Variants in HDAC11 observed in about 807,000 individuals in gnomAD.
The protein encoded by HDAC11 is histone deacetylase 11.
A neutral mutation model predicts 41.1 loss-of-function variants in HDAC11; 23 were observed. The observed-to-expected ratio is 0.56, with a 90% confidence interval of 0.40 to 0.79. The LOEUF is 0.79. Among genes scored for constraint, HDAC11 ranks in the 30% least tolerant of loss-of-function variants. The pLI, the probability that HDAC11 is intolerant of heterozygous loss-of-function variation, is 0.00. For synonymous variants in HDAC11, 187 were observed against 186.6 expected (o/e 1.00, Z -0.02); for missense variants, 402 against 477.3 (o/e 0.84, Z 1.47).
rs1013788316 is a variant in HDAC11, at chr3:13,506,300, G to C, written c.*1617G>C. 6 of 152,246 alleles carry C rather than the reference G, an allele frequency of 3.9e-5. No homozygotes were observed. The highest frequency in any genetic ancestry group is 7.3e-5 in the Non-Finnish European group (5 of 68,076). The allele number at this position is 152,246 out of a possible 1,614,324, so 9.4% of individuals were successfully genotyped here. A position where few individuals can be genotyped will look rare whatever the true frequency, so the allele number is the denominator to read the frequency against. On this transcript the variant is annotated 3_prime_UTR_variant, in exon 10 of 10. Coordinates refer to ENST00000295757, the MANE Select transcript of HDAC11 (RefSeq NM_024827.4). ...GCTTGATTGGCCCAGGCTGCTGTGT[G>C]TGCTGGAGGCAAAGAATCCCTACCT...
intron 3 of HDAC11, among the ~76,000 whole-genome samples, chr3:13,485,904 T>C (rs1701538425): frequency 6.6e-6 from 1 of 152,178 alleles, no homozygotes; most frequent in Non-Finnish European, 1.5e-5. Flanking sequence ...TCCAGCTGCA[T>C]ATTTGGCTTG....
chr3:13,500,783 C>T lies in HDAC11; in HGVS notation c.483C>T (p.Ala161=), dbSNP rs1227894984. The T allele has an allele frequency of 1.9e-6, 3 of 1,567,994 alleles. No individual in the cohort carries two copies. The highest frequency in any genetic ancestry group is 1.2e-5 in the South Asian group (1 of 84,866). ...GFCAYADITL[A]IKFLFERVEG... is the part of the protein sequence containing the mutation. ...GTGCCTATGCGGACATCACGCTCGC[C>T]ATCAAGGTGTGTCTATGAGCAAGTG... Residue 161 remains alanine (A), a synonymous_variant, in exon 6 of 10, where the codon GCC becomes GCT. Transcript: ENST00000295757.
chr3:13,495,405 T>C (rs1370670142), intron 3 of HDAC11, among the ~76,000 whole-genome samples: 1 of 152,154 alleles, frequency 6.6e-6, no homozygotes, highest in African/African-American at 2.4e-5. Flanking sequence ...GTGCCGCCTC[T>C]GTACCCTGCT....
Position 13,504,082 on chromosome 3 carries a change from T to G in HDAC11, c.650-12T>G. 1 of 1,613,176 alleles carries G rather than the reference T, an allele frequency of 6.2e-7. No individual in the cohort carries two copies. Among genetic ancestry groups the G allele is most frequent in the Non-Finnish European group, 8.5e-7 (1 of 1,179,606 alleles). ...TCTCTATAAATTGAGGCCATCCATG[T>G]CTCTCTCCCAGAGGCCATCAGGCGG... On this transcript the variant is annotated splice_polypyrimidine_tract_variant and intron_variant, in intron 8 of 9. Transcript: ENST00000295757.
rs557886450 is a variant in HDAC11, at chr3:13,490,046, T to C, written c.252+6482T>C. ...TCTCGCTTTGTCGCCTATGCTGGAG[T>C]GCAATGGCGCGATCTCGGCTCACTG... is the stretch of plus-strand genomic sequence containing the variant. On this transcript the variant is annotated intron_variant, in intron 3 of 9. Coordinates refer to ENST00000295757, the MANE Select transcript of HDAC11 (RefSeq NM_024827.4). Among the ~76,000 whole-genome samples the C allele has an allele frequency of 3.3e-3, 504 of 151,662 alleles. 6 individuals are homozygous for C. Among genetic ancestry groups the C allele is most frequent in the African/African-American group, 0.012 (489 of 41,296 alleles).
At chr3:13,481,852 C>T (rs1169026676) in intron 2 of HDAC11, among the ~76,000 whole-genome samples, 1 of 152,208 alleles carries the variant, frequency 6.6e-6, no homozygotes, top group Non-Finnish European at 1.5e-5. Flanking sequence ...GTAGGCACCA[C>T]AATCGCAGCA....
At chr3:13,504,389 C>T (rs1574917814) in intron 9 of HDAC11, 79 bp from the exon 10 acceptor site, 2 of 1,587,778 alleles carry the variant, frequency 1.3e-6, no homozygotes, top group East Asian at 2.2e-5. Flanking sequence ...CAGTTTGGAG[C>T]AGGGCTAGCC....
intron 3 of HDAC11, among the ~76,000 whole-genome samples, chr3:13,493,165 C>G (rs902090508): frequency 6.6e-6 from 1 of 152,208 alleles, no homozygotes; most frequent in African/African-American, 2.4e-5. Flanking sequence ...CAGCACCCCC[C>G]ACCTGCCCCA....
chr3:13,498,738 T>TA (rs1213605266), intron 5 of HDAC11, among the ~76,000 whole-genome samples, 183 bp downstream of exon 5: 1 of 152,084 alleles, frequency 6.6e-6, no homozygotes, highest in Admixed American at 6.6e-5. Flanking sequence ...GCCTCCTAGG[T>TA]ACCTGGGAGA....
chr3:13,505,702 A>G lies in HDAC11; in HGVS notation c.*1019A>G, dbSNP rs1426757918. On this transcript the variant is annotated 3_prime_UTR_variant, in exon 10 of 10. Coordinates refer to ENST00000295757, the MANE Select transcript of HDAC11 (RefSeq NM_024827.4). ...CTATCCTGGCCTGGGGATTATGAAC[A>G]TAGGTAGCCGGGGCAGGGCCCTGGG... 2.0e-5 allele frequency: 3 copies of G among 152,218 alleles called. No individual in the cohort carries two copies. Among genetic ancestry groups the G allele is most frequent in the Non-Finnish European group, 4.4e-5 (3 of 68,094 alleles). 9.4% of individuals were successfully genotyped at this position (152,218 alleles called of 1,614,324 possible).
intron 3 of HDAC11, among the ~76,000 whole-genome samples, chr3:13,486,871 T>C (rs560873729): frequency 5.9e-5 from 9 of 152,160 alleles, no homozygotes; most frequent in African/African-American, 2.2e-4. Context: ...GAGCCACTGC[T>C]CCTGGCCCTC....
At chr3:13,487,428 T>C (rs1203636972) in intron 3 of HDAC11, among the ~76,000 whole-genome samples, 2 of 152,166 alleles carry the variant, frequency 1.3e-5, no homozygotes, top group Non-Finnish European at 2.9e-5. Context: ...TGCACTGGTG[T>C]GGCCTTTGAT....
At position 13,481,273 on chromosome 3, in the gene HDAC11, T is replaced by A. The variant is rs200129920; in HGVS notation, c.30T>A (p.His10Gln). The A allele has an allele frequency of 1.2e-6, 2 of 1,612,532 alleles. No individual in the cohort carries two copies. The highest frequency in any genetic ancestry group is 1.1e-5 in the South Asian group (1 of 91,020). Residue 10 changes from histidine to glutamine, a missense_variant, in exon 2 of 10, where the codon CAT becomes CAA. By Grantham distance (24) the His-to-Gln change is conservative (BLOSUM62 0). Transcript: ENST00000295757. MLHTTQLYQ[H>Q]VPETRWPIVY... ...TACACACAACCCAGCTGTACCAGCA[T>A]GTGCCAGAGACACGCTGGCCAATCG...
At chr3:13,495,492 A>G (rs1255984604) in intron 3 of HDAC11, among the ~76,000 whole-genome samples, 2 of 151,774 alleles carry the variant, frequency 1.3e-5, no homozygotes, top group Non-Finnish European at 2.9e-5. Context: ...TTGTCCCTGC[A>G]TGCTGCCTGC....
chr3:13,495,907 A>G (rs1167329705), intron 3 of HDAC11, among the ~76,000 whole-genome samples: 1 of 152,206 alleles, frequency 6.6e-6, no homozygotes, highest in Non-Finnish European at 1.5e-5. Context: ...TCACACTGCA[A>G]ATAAGTGTCT....
chr3:13,486,502 G>A (rs1262224472), intron 3 of HDAC11, among the ~76,000 whole-genome samples: 1 of 151,384 alleles, frequency 6.6e-6, no homozygotes, highest in Non-Finnish European at 1.5e-5. Context: ...TGGTCAGGGA[G>A]GGCCTCACAG....
At chr3:13,485,409 C>G (rs1382252283) in intron 3 of HDAC11, among the ~76,000 whole-genome samples, 1 of 152,200 alleles carries the variant, frequency 6.6e-6, no homozygotes, top group Non-Finnish European at 1.5e-5. Context: ...ACATGCCTGC[C>G]AGAGTCCCGA....
At chr3:13,503,552 G>A (rs758212939) in intron 8 of HDAC11, among the ~76,000 whole-genome samples, 2 of 152,248 alleles carry the variant, frequency 1.3e-5, no homozygotes, top group African/African-American at 2.4e-5. Context: ...CAACAAGAGC[G>A]AAACTCCATC....
In HDAC11 at chr3:13,491,910, G is replaced by A. The variant is rs373166648; in HGVS notation, c.253-4826G>A. Among the ~76,000 whole-genome samples, 8 of 152,358 alleles carry A rather than the reference G, an allele frequency of 5.3e-5. No individual in the cohort carries two copies. The South Asian group carries it at 1.2e-3, about 24-fold the overall frequency. On this transcript the variant is annotated intron_variant, in intron 3 of 9. Transcript: ENST00000295757. Reference sequence around the variant, plus strand: ...CAGCAAGTATCTGAAACACTGGAGGGCTTGTTCCAGCAGATGGCTGGGCCC... The same window carrying A: ...CAGCAAGTATCTGAAACACTGGAGGACTTGTTCCAGCAGATGGCTGGGCCC...
Sources: allele counts gnomAD v4.1 joint callset (sites outside exome capture counted in the v4.1 genomes callset), GRCh38; gene constraint gnomAD v4.1.1; transcripts MANE v1.5; gene names NCBI Gene and HGNC (gene_info 2026-07-23, HGNC 2026-07-21).